The following KCND3 variants were observed in gnomAD, a reference collection of about 807,000 sequenced individuals.
KCND3 encodes potassium voltage-gated channel subfamily D member 3.
Under a neutral mutation model 51.1 loss-of-function variants are expected in KCND3, and 9 were observed. The observed-to-expected ratio is 0.18, with a 90% CI of 0.11 to 0.31. The LOEUF (loss-of-function observed/expected upper bound fraction) is 0.31. Among genes scored for constraint, KCND3 ranks in the 10% least tolerant of loss-of-function variants. The probability of loss-of-function intolerance (pLI) is 1.00; values close to 1 mark genes in which losing one functional copy is unlikely to be tolerated. For missense variants in KCND3, 526 were observed against 903.8 expected, an observed-to-expected ratio of 0.58 and a Z score of 5.36; for synonymous variants, 349 against 368.0, an observed-to-expected ratio of 0.95 and a Z score of 0.59.
intron 2 of KCND3, among the ~76,000 whole-genome samples, chr1:111,909,129 C>A (rs1005434876): frequency 6.6e-6 from 1 of 151,788 alleles, no homozygotes; most frequent in Non-Finnish European, 1.5e-5. Flanking sequence ...CATCTTCTCC[C>A]TGGCCCCACA....
chr1:111,854,797 C>T (rs552938657), intron 2 of KCND3, among the ~76,000 whole-genome samples: 1 of 152,352 alleles, frequency 6.6e-6, no homozygotes, highest in Admixed American at 6.5e-5. Context: ...ACCAAAAGCA[C>T]TGCCTGTGTT....
chr1:111,778,435 C>T lies in KCND3; in HGVS notation c.1518+1G>A. The T allele has an allele frequency of 1.2e-6, 2 of 1,613,076 alleles. No individual in the cohort carries two copies. Among genetic ancestry groups the T allele is most frequent in the Middle Eastern group, 3.3e-4 (2 of 6,058 alleles). ...TCAATTGAATTTTTAAAAAGTTATA[C>T]CTTGATGGTGGAGGTTCGTACAGAT... On this transcript the variant is annotated splice_donor_variant, in intron 6 of 7. Coordinates refer to ENST00000302127, the MANE Select transcript of KCND3 (RefSeq NM_001378969.1). LOFTEE classifies it high-confidence loss of function.
chr1:111,966,165 C>T (rs79666375), intron 2 of KCND3, among the ~76,000 whole-genome samples: 4 of 152,188 alleles, frequency 2.6e-5, no homozygotes, highest in East Asian at 1.9e-4. Context: ...ACAGCCCACA[C>T]GCTTACCCTC....
intron 2 of KCND3, among the ~76,000 whole-genome samples, chr1:111,811,902 T>C (rs1571677115): frequency 6.6e-6 from 1 of 152,332 alleles, no homozygotes; most frequent in South Asian, 2.1e-4. Flanking sequence ...CACCTGCCTG[T>C]TTCCTTGGCC....
intron 2 of KCND3, among the ~76,000 whole-genome samples, chr1:111,791,335 C>T (rs1664814273): frequency 6.6e-6 from 1 of 152,206 alleles, no homozygotes; most frequent in Admixed American, 6.5e-5. Context: ...GGGACCAGAT[C>T]AGTCTCTTTC....
chr1:111,898,743 C>T (rs1670244996), intron 2 of KCND3, among the ~76,000 whole-genome samples: 1 of 152,106 alleles, frequency 6.6e-6, no homozygotes, highest in Non-Finnish European at 1.5e-5. Context: ...GGGGAAACAG[C>T]AGAGACCACA....
chr1:111,777,332 C>T, intron 6 of KCND3, 59 bp from the exon 7 acceptor site: 1 of 1,568,060 alleles, frequency 6.4e-7, no homozygotes, highest in African/African-American at 1.4e-5. Context: ...AGAGGTAAGC[C>T]CCTATACTCT....
Position 111,877,530 on chromosome 1 carries a change from G to A in KCND3, c.1107-90424C>T, listed in dbSNP as rs192774851. On this transcript the variant is annotated intron_variant, in intron 2 of 7. Transcript: ENST00000302127. The stretch of plus-strand genomic sequence containing the variant: ...AGGAAGGCCCAGGAGAGACTATGAG[G>A]CCAGGGAAGAGAGGAGTGTGGAGGG... Among the ~76,000 whole-genome samples, 55 of 152,318 alleles carry A rather than the reference G, an allele frequency of 3.6e-4. No individual in the cohort carries two copies. In the East Asian group the frequency reaches 0.01, roughly 28 times the overall value.
intron 2 of KCND3, among the ~76,000 whole-genome samples, chr1:111,964,433 C>T (rs976829908): frequency 1.5e-5 from 2 of 131,994 alleles, no homozygotes; most frequent in African/African-American, 2.9e-5. Flanking sequence ...TCCCCCGGCC[C>T]CCACAGCTCC....
At chr1:111,795,437 A>G (rs1299579169) in intron 2 of KCND3, among the ~76,000 whole-genome samples, 1 of 152,276 alleles carries the variant, frequency 6.6e-6, no homozygotes. Context: ...TAGCATAAGT[A>G]TGGGCCATTT....
chr1:111,784,145 C>CACACT (rs1553236817), intron 3 of KCND3, among the ~76,000 whole-genome samples: 1,956 of 125,156 alleles, frequency 0.016, 16 homozygotes, highest in Non-Finnish European at 0.018. Flanking sequence ...ACACACACAC[C>CACACT]AGTCCAAGTA....
In KCND3 at chr1:111,981,884, G is replaced by A. The variant is rs1287255718; in HGVS notation, c.843C>T (p.Asp281=). 4 of 1,614,040 alleles carry A rather than the reference G, an allele frequency of 2.5e-6. No individual in the cohort carries two copies. Among genetic ancestry groups the A allele is most frequent in the South Asian group, 2.2e-5 (2 of 91,058 alleles). Reference sequence around the variant, plus strand: ...GGAGCGTGACGAAGGCGCCGGACACGTCCTCGTTGTTGGTCATGACCAGAC... The same window carrying A: ...GGAGCGTGACGAAGGCGCCGGACACATCCTCGTTGTTGGTCATGACCAGAC... ...YIGLVMTNNE[D]VSGAFVTLRV... Residue 281 remains aspartate (D), a synonymous_variant, in exon 2 of 8, where the codon GAC becomes GAT. Coordinates refer to ENST00000302127, the MANE Select transcript of KCND3 (RefSeq NM_001378969.1). This position sits in a 1 kb window ranked among gnomAD's most constrained non-coding sequence, Gnocchi z 6.2.
intron 2 of KCND3, among the ~76,000 whole-genome samples, chr1:111,879,472 G>A (rs978828318): frequency 6.6e-6 from 1 of 152,144 alleles, no homozygotes; most frequent in African/African-American, 2.4e-5. Context: ...TTCTAGATAT[G>A]GCCTGTTTTT....
At chr1:111,846,876 T>C (rs1204581485) in intron 2 of KCND3, among the ~76,000 whole-genome samples, 2 of 152,174 alleles carry the variant, frequency 1.3e-5, no homozygotes, top group Non-Finnish European at 2.9e-5. Flanking sequence ...CCCTGGGCAG[T>C]TCTGGATTCA....
Position 111,822,153 on chromosome 1 carries a change from A to G in KCND3, c.1107-35047T>C, listed in dbSNP as rs1666379860. On this transcript the variant is annotated intron_variant, in intron 2 of 7. Coordinates refer to ENST00000302127, the MANE Select transcript of KCND3 (RefSeq NM_001378969.1). ...AGATTTATGTGATTTTCACATTTTA[A>G]TATCTCTAAAATTATGTCATAACTG... is the stretch of plus-strand genomic sequence containing the variant. Among the ~76,000 whole-genome samples, 3 of 151,958 alleles carry G rather than the reference A, an allele frequency of 2.0e-5. 1 individual carries two copies. In the South Asian group the frequency reaches 6.2e-4, roughly 32 times the overall value.
At chr1:111,975,052 G>C (rs952742029) in intron 2 of KCND3, among the ~76,000 whole-genome samples, 6 of 152,224 alleles carry the variant, frequency 3.9e-5, no homozygotes, top group African/African-American at 1.2e-4. Flanking sequence ...CTGAGTTTTA[G>C]AGTGGCCTCT....
intron 2 of KCND3, among the ~76,000 whole-genome samples, chr1:111,966,840 G>C (rs534539639): frequency 1.3e-5 from 2 of 152,112 alleles, no homozygotes; most frequent in Non-Finnish European, 2.9e-5. Flanking sequence ...GGAATGAACT[G>C]CATCAAAAAG....
intron 2 of KCND3, among the ~76,000 whole-genome samples, chr1:111,900,329 G>T (rs1670327393): frequency 6.6e-6 from 1 of 152,120 alleles, no homozygotes; most frequent in Admixed American, 6.5e-5. Flanking sequence ...AAACCTCCAG[G>T]AGACAGCATT....
At position 111,796,900 on chromosome 1, in the gene KCND3, G is replaced by A. The variant is rs539089307; in HGVS notation, c.1107-9794C>T. Among the ~76,000 whole-genome samples, 13 of 152,206 alleles carry A rather than the reference G, an allele frequency of 8.5e-5. No individual in the cohort carries two copies. In the South Asian group the frequency reaches 1.5e-3, roughly 17 times the overall value. On this transcript the variant is annotated intron_variant, in intron 2 of 7. Coordinates refer to ENST00000302127, the MANE Select transcript of KCND3 (RefSeq NM_001378969.1). ...CCCTTCCAGATCATTGCTGTGGTTTGCTGTGGCTTGTAGAGTCACAGCCAG... is the reference window on the plus strand; with the variant it reads ...CCCTTCCAGATCATTGCTGTGGTTTACTGTGGCTTGTAGAGTCACAGCCAG...
Sources: allele counts gnomAD v4.1 joint callset (sites outside exome capture counted in the v4.1 genomes callset), GRCh38; gene constraint gnomAD v4.1.1; non-coding constraint Gnocchi (gnomAD v3.1); transcripts MANE v1.5; gene names NCBI Gene and HGNC (gene_info 2026-07-23, HGNC 2026-07-21).